The following SATB2 variants were observed in gnomAD, a reference collection of about 807,000 sequenced individuals.
SATB2 encodes the protein DNA-binding protein SATB2.
Under a neutral mutation model 73.4 loss-of-function variants are expected in SATB2, and 1 was observed. That is an observed-to-expected ratio of 0.01 (90% CI 0.00 to 0.06). The LOEUF is 0.06. SATB2 is among the 10% of genes least tolerant of loss of function. The pLI is 1.00. For synonymous variants in SATB2, 397 were observed against 367.0 expected, an observed-to-expected ratio of 1.08 and a Z score of -0.93; for missense variants, 459 against 945.8, an observed-to-expected ratio of 0.49 and a Z score of 6.75.
intron 7 of SATB2, among the ~76,000 whole-genome samples, chr2:199,346,181 C>G (rs940065734): frequency 6.6e-6 from 1 of 150,402 alleles, no homozygotes; most frequent in Non-Finnish European, 1.5e-5. Context: ...GACAGAGTCT[C>G]GCTCTGTTGC....
intron 3 of SATB2, among the ~76,000 whole-genome samples, chr2:199,397,243 A>G (rs1690328048): frequency 6.6e-6 from 1 of 152,228 alleles, no homozygotes; most frequent in Non-Finnish European, 1.5e-5. Context: ...TCCAAATCTA[A>G]TAATTATTGT....
At chr2:199,369,357 C>A (rs1482388993) in intron 5 of SATB2, among the ~76,000 whole-genome samples, 3 of 152,138 alleles carry the variant, frequency 2.0e-5, no homozygotes, top group Non-Finnish European at 2.9e-5. Context: ...CTCAGCCCAA[C>A]TGCTCAGCTG....
chr2:199,277,042 G>T (rs931511316), intron 10 of SATB2, among the ~76,000 whole-genome samples: 5 of 152,170 alleles, frequency 3.3e-5, no homozygotes, highest in African/African-American at 9.6e-5. Context: ...TCGAGTGAAA[G>T]AAGTCAGATA....
At chr2:199,318,680 T>A (rs1391612463) in intron 9 of SATB2, among the ~76,000 whole-genome samples, 1 of 152,080 alleles carries the variant, frequency 6.6e-6, no homozygotes, top group African/African-American at 2.4e-5. Context: ...AATGAGGCTG[T>A]TAAATTACTT....
intron 3 of SATB2, among the ~76,000 whole-genome samples, chr2:199,430,907 T>C (rs1434378881): frequency 1.3e-5 from 2 of 152,200 alleles, no homozygotes; most frequent in Non-Finnish European, 2.9e-5. Context: ...TGAAAAATCA[T>C]ATTTCAAGAG....
rs2105707162 is a variant in SATB2, at chr2:199,272,511, A to G, written c.1902T>C (p.His634=). Residue 634 remains histidine (H), a synonymous_variant, in exon 11 of 11, where the codon CAT becomes CAC. Coordinates refer to ENST00000417098, the MANE Select transcript of SATB2 (RefSeq NM_001172509.2). This position sits in a 1 kb window ranked among gnomAD's most constrained non-coding sequence, Gnocchi z 6.7. ...CCTGGTCTGGGTACAGGCCTACATC[A>G]TGAATAAAGCTTTGGAGGATCCCCA... ...EALGILQSFI[H]DVGLYPDQEA... 6.2e-7 allele frequency: 1 copy of G among 1,614,156 alleles called. No homozygotes were observed. The highest frequency in any genetic ancestry group is 2.2e-5 in the East Asian group (1 of 44,866).
At chr2:199,281,353 T>C (rs1490931675) in intron 10 of SATB2, among the ~76,000 whole-genome samples, 1 of 151,780 alleles carries the variant, frequency 6.6e-6, no homozygotes, top group African/African-American at 2.4e-5. Context: ...AGTGTAGTAA[T>C]AGGTTAAAAC....
chr2:199,448,292 TAAA>T (rs1479444491), intron 2 of SATB2, among the ~76,000 whole-genome samples: 4 of 152,170 alleles, frequency 2.6e-5, no homozygotes, highest in African/African-American at 9.6e-5. Context: ...TTGGGAAATC[TAAA>T]AATACAGTTA....
chr2:199,280,195 T>C (rs1279022510), intron 10 of SATB2, among the ~76,000 whole-genome samples: 1 of 152,212 alleles, frequency 6.6e-6, no homozygotes, highest in East Asian at 1.9e-4. Context: ...ACATAAATTG[T>C]GAAGATTGCA....
rs1689733104 is a variant in SATB2 at position 199,380,361 on chromosome 2, G to A, written c.597+3C>T. 1 of 1,613,764 alleles carries A rather than the reference G, an allele frequency of 6.2e-7. No homozygotes were observed. The highest frequency in any genetic ancestry group is 8.5e-7 in the Non-Finnish European group (1 of 1,179,822). ...TCCCAGACCCCCACCTGAAGATACT[G>A]ACCTGGGAGAGAGGGCATTCTTTGG... is the stretch of plus-strand genomic sequence containing the variant. On this transcript the variant is annotated splice_donor_region_variant and intron_variant, in intron 5 of 10. Transcript: ENST00000417098.
At chr2:199,423,038 A>T (rs1691218634) in intron 3 of SATB2, among the ~76,000 whole-genome samples, 3 of 152,118 alleles carry the variant, frequency 2.0e-5, no homozygotes, top group Admixed American at 2.0e-4. Context: ...TTTAGTTTTA[A>T]TCCTCAAAAC....
chr2:199,289,488 C>T (rs1371725470), intron 10 of SATB2, among the ~76,000 whole-genome samples: 1 of 152,204 alleles, frequency 6.6e-6, no homozygotes, highest in African/African-American at 2.4e-5. Context: ...TCCTTATCTA[C>T]TCAGATTCAC....
chr2:199,374,697 C>T (rs895466103), intron 5 of SATB2, among the ~76,000 whole-genome samples: 2 of 152,160 alleles, frequency 1.3e-5, no homozygotes, highest in Non-Finnish European at 2.9e-5. Context: ...GGTGCAATGG[C>T]TTATGCCTAT....
rs1192600915 is a variant in SATB2, at chr2:199,271,277, A to C, written c.*934T>G. On this transcript the variant is annotated 3_prime_UTR_variant, in exon 11 of 11. Transcript: ENST00000417098. ...TTGATCAAGACTTGCACTAGTGGAC[A>C]AAGTTTTCTCTGCACTGAATTTCAG... 1 of 152,760 alleles carries C rather than the reference A, an allele frequency of 6.5e-6. No homozygotes were observed. The highest frequency in any genetic ancestry group is 1.5e-5 in the Non-Finnish European group (1 of 68,036). 9.5% of individuals were successfully genotyped at this position (152,760 alleles called of 1,614,324 possible). A position where few individuals can be genotyped will look rare whatever the true frequency, so the allele number is the denominator to read the frequency against.
At chr2:199,358,823 G>C (rs1281961175) in intron 6 of SATB2, among the ~76,000 whole-genome samples, 1 of 152,012 alleles carries the variant, frequency 6.6e-6, no homozygotes, top group Non-Finnish European at 1.5e-5. Flanking sequence ...GACCCATTAT[G>C]TTCCATGGAA....
intron 10 of SATB2, among the ~76,000 whole-genome samples, chr2:199,303,016 C>T (rs1449978078): frequency 6.6e-6 from 1 of 152,194 alleles, no homozygotes; most frequent in East Asian, 1.9e-4. Flanking sequence ...AGAACTAGAT[C>T]TGCTCAGTGA....
At chr2:199,285,049 G>C (rs1029524306) in intron 10 of SATB2, among the ~76,000 whole-genome samples, 1 of 152,038 alleles carries the variant, frequency 6.6e-6, no homozygotes, top group Non-Finnish European at 1.5e-5. Flanking sequence ...GTGGATACAA[G>C]GGGATGACTG....
At chr2:199,279,518 T>C (rs1156651250) in intron 10 of SATB2, among the ~76,000 whole-genome samples, 1 of 152,172 alleles carries the variant, frequency 6.6e-6, no homozygotes, top group Non-Finnish European at 1.5e-5. Context: ...TGCCAACACT[T>C]TGTGGTCTTC....
chr2:199,396,553 G>A (rs977955742), intron 3 of SATB2: 2 of 152,144 alleles, frequency 1.3e-5, no homozygotes, highest in Non-Finnish European at 2.9e-5. Flanking sequence ...AGGAGGTCAC[G>A]GTCCCACTGG....
Sources: gnomAD v4.1 joint callset for allele counts (sites outside exome capture counted in the v4.1 genomes callset) on GRCh38, gnomAD v4.1.1 for gene constraint, Gnocchi (gnomAD v3.1) non-coding constraint, MANE v1.5 for transcripts, NCBI Gene and HGNC (gene_info 2026-07-23, HGNC 2026-07-21) for gene names.